The following CCDC81 variants were observed in gnomAD, a reference collection of about 807,000 sequenced individuals.
CCDC81 encodes coiled-coil domain-containing protein 81.
A neutral mutation model predicts 83.7 loss-of-function variants in CCDC81; 79 were observed. The ratio of observed to expected loss-of-function variants is 0.94; its 90% CI spans 0.79 to 1.14. The LOEUF is 1.14. CCDC81 is among the 50% of genes most tolerant of loss of function. The pLI is 0.00. For synonymous variants in CCDC81, 252 were observed against 278.1 expected (o/e 0.91, Z 0.93); for missense variants, 791 against 778.1 (o/e 1.02, Z -0.20).
At chr11:86,388,074 T>G (rs147936005) in intron 3 of CCDC81, among the ~76,000 whole-genome samples, 1 of 152,230 alleles carries the variant, frequency 6.6e-6, no homozygotes, top group Non-Finnish European at 1.5e-5. Flanking sequence ...TTCTATCATA[T>G]GTATAATCCA....
At chr11:86,389,529 T>A (rs1292331747) in intron 3 of CCDC81, among the ~76,000 whole-genome samples, 1 of 152,016 alleles carries the variant, frequency 6.6e-6, no homozygotes, top group African/African-American at 2.4e-5. Flanking sequence ...AGCAAGCACA[T>A]CTTACCATGG....
intron 2 of CCDC81, among the ~76,000 whole-genome samples, chr11:86,386,692 C>A (rs1250379135): frequency 2.0e-5 from 3 of 152,168 alleles, no homozygotes; most frequent in Non-Finnish European, 2.9e-5. Flanking sequence ...GGGCAGAATT[C>A]ATACTTCAAA....
At chr11:86,395,638 C>G (rs983576296) in intron 5 of CCDC81, among the ~76,000 whole-genome samples, 1 of 152,110 alleles carries the variant, frequency 6.6e-6, no homozygotes, top group Non-Finnish European at 1.5e-5. Context: ...CCCCCCTCAC[C>G]GCGACGGAGT....
chr11:86,412,560 G>T lies in CCDC81; in HGVS notation c.1391+1G>T. On this transcript the variant is annotated splice_donor_variant, in intron 11 of 14. Coordinates refer to ENST00000445632, the MANE Select transcript of CCDC81 (RefSeq NM_001156474.2). LOFTEE classifies it high-confidence loss of function. ...TGGAACAAGTGCAACTCACAGAGGA[G>T]TGAGTCCAGCTACACACGCTCTGAC... 1 of 1,601,902 alleles carries T rather than the reference G, an allele frequency of 6.2e-7. No individual in the cohort carries two copies. Among genetic ancestry groups the T allele is most frequent in the South Asian group, 1.1e-5 (1 of 88,360 alleles).
intron 7 of CCDC81, among the ~76,000 whole-genome samples, chr11:86,403,345 CT>C (rs912121827): frequency 1.3e-5 from 2 of 151,836 alleles, no homozygotes; most frequent in African/African-American, 2.4e-5. Context: ...TTTCCCAATT[CT>C]TTTTTTTCTT....
At chr11:86,385,965 T>G (rs148081359) in intron 1 of CCDC81, 86 bp from the exon 2 acceptor site, 1 of 621,756 alleles carries the variant, frequency 1.6e-6, no homozygotes, top group East Asian at 3.5e-5. Context: ...ACATTTCATA[T>G]TTACATTTTT....
intron 9 of CCDC81, among the ~76,000 whole-genome samples, chr11:86,408,606 A>G (rs1948595420): frequency 6.6e-6 from 1 of 152,064 alleles, no homozygotes; most frequent in Non-Finnish European, 1.5e-5. Context: ...CTGCCTCCCA[A>G]AGTGCTGGGA....
At chr11:86,392,434 T>G in intron 3 of CCDC81, 107 bp from the exon 4 acceptor site, 1 of 1,301,540 alleles carries the variant, frequency 7.7e-7, no homozygotes, top group Non-Finnish European at 1.0e-6. Context: ...CAGAAGATTC[T>G]ATTTTAGGGC....
At chr11:86,395,608 G>A (rs1948396552) in intron 5 of CCDC81, among the ~76,000 whole-genome samples, 195 bp downstream of exon 5, 1 of 152,118 alleles carries the variant, frequency 6.6e-6, no homozygotes, top group South Asian at 2.1e-4. Flanking sequence ...AAATAACAAT[G>A]GACATTTATT....
At chr11:86,417,421 A>G (rs1440805078) in intron 13 of CCDC81, among the ~76,000 whole-genome samples, 1 of 152,034 alleles carries the variant, frequency 6.6e-6, no homozygotes, top group Non-Finnish European at 1.5e-5. Context: ...ATATGCACAT[A>G]TATTTTTCCT....
At chr11:86,389,237 A>AAAT (rs145645003) in intron 3 of CCDC81, among the ~76,000 whole-genome samples, 4,702 of 151,638 alleles carry the variant, frequency 0.031, 216 homozygotes, top group African/African-American at 0.11. Flanking sequence ...GAAGGCTGCA[A>AAAT]AATAATAATA....
chr11:86,375,236 C>G lies in CCDC81; in HGVS notation c.73C>G (p.Gln25Glu). Reference sequence around the variant, plus strand: ...GCTGCCCACTCTGCCCTCGCTGAGCCAGGAGGGTAAGCGTGTTGGGTAGCA... The same window carrying G: ...GCTGCCCACTCTGCCCTCGCTGAGCGAGGAGGGTAAGCGTGTTGGGTAGCA... ...QVLPTLPSLS[Q>E]EEVSIIWGNV... Residue 25 changes from glutamine to glutamate, a missense_variant, in exon 1 of 15, where the codon CAG becomes GAG. Transcript: ENST00000445632. 6.2e-7 allele frequency: 1 copy of G among 1,610,104 alleles called. No homozygotes were observed. The highest frequency in any genetic ancestry group is 1.3e-5 in the African/African-American group (1 of 75,004).
chr11:86,386,112 G>T lies in CCDC81; in HGVS notation c.141G>T (p.Lys47Asn), dbSNP rs778403625. The T allele has an allele frequency of 7.8e-6, 10 of 1,280,220 alleles. No individual in the cohort carries two copies. Among genetic ancestry groups the T allele is most frequent in the South Asian group, 2.0e-5 (1 of 51,182 alleles). 79.3% of individuals were successfully genotyped at this position (1,280,220 alleles called of 1,614,324 possible). A position where few individuals can be genotyped will look rare whatever the true frequency, so the allele number is the denominator to read the frequency against. Residue 47 changes from lysine to asparagine, a missense_variant and splice_region_variant, in exon 2 of 15, where the codon AAG becomes AAT. Physicochemically the swap from Lys to Asn is moderately conservative, Grantham distance 94. Coordinates refer to ENST00000445632, the MANE Select transcript of CCDC81 (RefSeq NM_001156474.2). The stretch of plus-strand genomic sequence containing the variant: ...TGAGACGGCAGTTAACCCTGCACAA[G>T]GTAAGATTTATTAATTTATTAATTT... The part of the protein sequence containing the change: ...EFVRRQLTLH[K>N]GVQIPAFGTF...
At chr11:86,395,562 G>T in intron 5 of CCDC81, 149 bp downstream of exon 5, 2 of 631,302 alleles carry the variant, frequency 3.2e-6, no homozygotes, top group South Asian at 4.0e-5. Flanking sequence ...CACCAACAAA[G>T]AAGAGTTTAT....
intron 3 of CCDC81, among the ~76,000 whole-genome samples, chr11:86,388,283 G>A (rs1294169143): frequency 1.3e-5 from 2 of 149,582 alleles, no homozygotes; most frequent in African/African-American, 4.9e-5. Flanking sequence ...CTTGTTCCAG[G>A]TGCTTGAGAT....
At chr11:86,395,140 G>C (rs1230767941) in intron 4 of CCDC81, 194 bp from the exon 5 acceptor site, 1 of 438,482 alleles carries the variant, frequency 2.3e-6, no homozygotes, top group African/African-American at 2.0e-5. Context: ...TTGCTGTGCA[G>C]CTACCCAGGG....
chr11:86,407,776 ATC>A lies in CCDC81; in HGVS notation c.969+81_969+82del. On this transcript the variant is annotated intron_variant, in intron 8 of 14. Transcript: ENST00000445632. ...TTGTTTCTCAAAGAGAGTTCTGGGA[ATC>A]TCTCTTCCTTAATTATATGAGTATG... 8 of 1,114,920 alleles carry A rather than the reference ATC, an allele frequency of 7.2e-6. No homozygotes were observed. In the South Asian group the frequency reaches 1.1e-4, roughly 15 times the overall value. 69.1% of individuals were successfully genotyped at this position (1,114,920 alleles called of 1,614,324 possible). A position where few individuals can be genotyped will look rare whatever the true frequency, so the allele number is the denominator to read the frequency against.
intron 1 of CCDC81, among the ~76,000 whole-genome samples, chr11:86,385,153 C>G (rs987291486): frequency 6.6e-6 from 1 of 152,110 alleles, no homozygotes; most frequent in African/African-American, 2.4e-5. Context: ...TTTGGGAGGC[C>G]GAGGCGGGTG....
At chr11:86,381,019 G>A (rs914331815) in intron 1 of CCDC81, among the ~76,000 whole-genome samples, 1 of 152,108 alleles carries the variant, frequency 6.6e-6, no homozygotes, top group Non-Finnish European at 1.5e-5. Flanking sequence ...GTGATGTACT[G>A]GGTAAAAGTA....
Sources: allele counts gnomAD v4.1 joint callset (sites outside exome capture counted in the v4.1 genomes callset), GRCh38; gene constraint gnomAD v4.1.1; transcripts MANE v1.5; gene names NCBI Gene and HGNC (gene_info 2026-07-23, HGNC 2026-07-21).